HSD17B12: variants seen among roughly 807,000 people sequenced by gnomAD.
The protein encoded by HSD17B12 is hydroxysteroid 17-beta dehydrogenase 12.
In HSD17B12, 32 loss-of-function variants were observed where a neutral mutation model predicts 39.3. That is an observed-to-expected ratio of 0.81 (90% CI 0.61 to 1.09). The LOEUF (loss-of-function observed/expected upper bound fraction) is 1.09. Among genes scored for constraint, HSD17B12 ranks in the 50% least tolerant of loss-of-function variants. HSD17B12 has a pLI of 0.00. For synonymous variants in HSD17B12, 150 were observed against 146.7 expected (o/e 1.02, Z -0.16); for missense variants, 342 against 382.9 (o/e 0.89, Z 0.89).
At chr11:43,624,433 A>G in the HSD17B12 span, among the ~76,000 whole-genome samples, 2 of 152,060 alleles carry the variant, frequency 1.3e-5, no homozygotes, top group African/African-American at 4.8e-5. Flanking sequence ...AAGATTTAAC[A>G]GAAGAGAAAA....
At chr11:43,616,777 C>A in the HSD17B12 span, among the ~76,000 whole-genome samples, 2 of 144,494 alleles carry the variant, frequency 1.4e-5, no homozygotes, top group Admixed American at 1.4e-4. Flanking sequence ...GTCTCCCACA[C>A]CACTCCTCTG....
At chr11:43,757,372 G>A (rs541088364) in intron 3 of HSD17B12, among the ~76,000 whole-genome samples, 4 of 152,068 alleles carry the variant, frequency 2.6e-5, no homozygotes, top group Middle Eastern at 3.4e-3. Context: ...GGTGGCTCAC[G>A]CCTGTAATCC....
the HSD17B12 span, among the ~76,000 whole-genome samples, chr11:43,566,230 G>A: frequency 6.6e-6 from 1 of 152,092 alleles, no homozygotes. Flanking sequence ...ATAAATATGG[G>A]GCTCATTAAA....
chr11:43,647,018 A>T, the HSD17B12 span, among the ~76,000 whole-genome samples: 1 of 152,236 alleles, frequency 6.6e-6, no homozygotes, highest in African/African-American at 2.4e-5. Flanking sequence ...ATGAGGCATA[A>T]CACCAAAGGG....
upstream of HSD17B12, chr11:43,680,622 A>C (rs1343905067): frequency 5.1e-6 from 3 of 584,110 alleles, no homozygotes; most frequent in East Asian, 8.9e-5. Flanking sequence ...AACTGGAGTC[A>C]GCTAATGGCT....
chr11:43,786,292 A>G lies in HSD17B12; in HGVS notation c.284-12028A>G, dbSNP rs11037636. The stretch of plus-strand genomic sequence containing the variant: ...ACTTTCCATTTTGTCACACAGAACA[A>G]TAAAAAGATTTGTACTCAAATAGAG... On this transcript the variant is annotated intron_variant, in intron 3 of 10. Transcript: ENST00000278353. Among the ~76,000 whole-genome samples the G allele has an allele frequency of 9.8e-5, 15 of 152,366 alleles. No individual in the cohort carries two copies. The South Asian group carries it at 1.0e-3, about 11-fold the overall frequency.
At chr11:43,651,597 A>AT in the HSD17B12 span, among the ~76,000 whole-genome samples, 1 of 152,214 alleles carries the variant, frequency 6.6e-6, no homozygotes, top group East Asian at 1.9e-4. Flanking sequence ...TGATTGATTG[A>AT]TTGAGACAGT....
the HSD17B12 span, among the ~76,000 whole-genome samples, chr11:43,560,097 C>T: frequency 1.3e-5 from 2 of 152,020 alleles, no homozygotes; most frequent in Non-Finnish European, 2.9e-5. Flanking sequence ...TGAATTTTAC[C>T]GTTCATCTTT....
chr11:43,778,816 A>C (rs1366191157), intron 3 of HSD17B12, among the ~76,000 whole-genome samples: 1 of 151,494 alleles, frequency 6.6e-6, no homozygotes, highest in Non-Finnish European at 1.5e-5. Context: ...CAATAAACTC[A>C]AATTTATTTC....
At chr11:43,624,697 G>T in the HSD17B12 span, among the ~76,000 whole-genome samples, 1 of 151,540 alleles carries the variant, frequency 6.6e-6, no homozygotes, top group Admixed American at 6.6e-5. Context: ...AAAACATTTT[G>T]AAAACCCATT....
intron 6 of HSD17B12, among the ~76,000 whole-genome samples, chr11:43,825,566 A>T (rs1218837975): frequency 2.6e-5 from 4 of 152,224 alleles, no homozygotes; most frequent in African/African-American, 9.6e-5. Flanking sequence ...GAATATGATA[A>T]ATTATGGGAA....
In HSD17B12 at chr11:43,680,967, C is replaced by T. The variant is rs201719014; in HGVS notation, c.140C>T (p.Pro47Leu). 3.1e-5 allele frequency: 49 copies of T among 1,606,124 alleles called. No individual in the cohort carries two copies. Among genetic ancestry groups the T allele is most frequent in the Non-Finnish European group, 4.1e-5 (48 of 1,174,960 alleles). Residue 47 changes from proline (P) to leucine (L), a missense_variant, in exon 1 of 11, where the codon CCG becomes CTG. Physicochemically the swap from Pro to Leu is moderately conservative, Grantham distance 98. Coordinates refer to ENST00000278353, the MANE Select transcript of HSD17B12 (RefSeq NM_016142.3). ...WGVGNEAGVG[P>L]GLGEWAVVTG... Reference sequence around the variant, plus strand: ...GTGGGGAATGAGGCGGGGGTCGGCCCGGGGCTCGGAGAATGGGCAGGTGAG... The same window carrying T: ...GTGGGGAATGAGGCGGGGGTCGGCCTGGGGCTCGGAGAATGGGCAGGTGAG...
chr11:43,746,699 C>T (rs1331946474), intron 1 of HSD17B12, among the ~76,000 whole-genome samples: 3 of 152,134 alleles, frequency 2.0e-5, no homozygotes, highest in Non-Finnish European at 2.9e-5. Flanking sequence ...TTATCATTAT[C>T]GAGCACTATA....
chr11:43,694,040 A>G (rs566926564), intron 1 of HSD17B12, among the ~76,000 whole-genome samples: 129 of 152,362 alleles, frequency 8.5e-4, no homozygotes, highest in African/African-American at 2.9e-3. Flanking sequence ...GGGCTAGACA[A>G]CAACATTCAC....
At chr11:43,662,537 A>G in the HSD17B12 span, among the ~76,000 whole-genome samples, 1 of 152,010 alleles carries the variant, frequency 6.6e-6, no homozygotes, top group East Asian at 1.9e-4. Context: ...AAAAAAAAGA[A>G]AAAGAAAAAT....
chr11:43,775,426 T>G (rs1381472280), intron 3 of HSD17B12, among the ~76,000 whole-genome samples: 1 of 152,150 alleles, frequency 6.6e-6, no homozygotes, highest in Non-Finnish European at 1.5e-5. Flanking sequence ...GAGCGTGCTG[T>G]CGGGGATCAT....
At chr11:43,804,257 A>C (rs971035972) in intron 4 of HSD17B12, among the ~76,000 whole-genome samples, 4 of 152,210 alleles carry the variant, frequency 2.6e-5, no homozygotes, top group African/African-American at 9.6e-5. Flanking sequence ...AGATGCTCTC[A>C]AGGCCTTCTC....
the HSD17B12 span, among the ~76,000 whole-genome samples, chr11:43,589,285 T>G: frequency 2.0e-5 from 3 of 152,200 alleles, no homozygotes; most frequent in Admixed American, 2.0e-4. Context: ...ATCTTTGTTC[T>G]CCTCCTTTTG....
chr11:43,671,336 C>T, the HSD17B12 span, among the ~76,000 whole-genome samples: 4 of 152,176 alleles, frequency 2.6e-5, no homozygotes, highest in African/African-American at 9.7e-5. Context: ...TGTGCCACCA[C>T]ACCCAGCTAA....
Sources: gnomAD v4.1 joint callset for allele counts (sites outside exome capture counted in the v4.1 genomes callset) on GRCh38, gnomAD v4.1.1 for gene constraint, MANE v1.5 for transcripts, NCBI Gene and HGNC (gene_info 2026-07-23, HGNC 2026-07-21) for gene names.